The following CDH18 variants were observed in gnomAD, a reference collection of about 807,000 sequenced individuals.
CDH18 encodes the protein cadherin-18.
A neutral mutation model predicts 67.9 loss-of-function variants in CDH18; 31 were observed. That is an observed-to-expected ratio of 0.46 (90% CI 0.34 to 0.62). The LOEUF is 0.62. CDH18 is among the 20% of genes least tolerant of loss of function. The pLI, the probability that CDH18 is intolerant of heterozygous loss-of-function variation, is 0.01. For synonymous variants in CDH18, 362 were observed against 347.2 expected (o/e 1.04, Z -0.48); for missense variants, 890 against 975.5 (o/e 0.91, Z 1.17).
chr5:19,704,584 C>T (rs1763701929), intron 5 of CDH18, among the ~76,000 whole-genome samples: 2 of 152,052 alleles, frequency 1.3e-5, no homozygotes, highest in African/African-American at 4.8e-5. Context: ...GACAAAGTTC[C>T]CGCCAAAGTT....
chr5:19,764,624 C>CATATATATATAT (rs72234101), intron 3 of CDH18, among the ~76,000 whole-genome samples: 3 of 146,032 alleles, frequency 2.1e-5, no homozygotes, highest in African/African-American at 7.6e-5. Flanking sequence ...TCTATTTCTT[C>CATATATATATAT]ATATATATAT....
chr5:19,718,830 T>A (rs1765654549), intron 5 of CDH18, among the ~76,000 whole-genome samples: 1 of 151,936 alleles, frequency 6.6e-6, no homozygotes. Context: ...CAAAGAAAAT[T>A]TTGTAGAGTA....
At chr5:20,536,384 G>A (rs1352230568) in intron 1 of CDH18, among the ~76,000 whole-genome samples, 3 of 152,106 alleles carry the variant, frequency 2.0e-5, no homozygotes, top group Non-Finnish European at 4.4e-5. Flanking sequence ...CAATGCTCAG[G>A]ATGTCAAAGA....
At chr5:19,567,845 AG>A in intron 8 of CDH18, among the ~76,000 whole-genome samples, 2 of 152,132 alleles carry the variant, frequency 1.3e-5, no homozygotes, top group African/African-American at 4.8e-5. Flanking sequence ...AACAACCAGG[AG>A]AGTGCATGTT....
chr5:19,596,497 C>T (rs975953543), intron 6 of CDH18, among the ~76,000 whole-genome samples: 5 of 152,120 alleles, frequency 3.3e-5, no homozygotes, highest in Non-Finnish European at 7.4e-5. Context: ...CTTCAAAAAC[C>T]TGTCAAGTAG....
At chr5:19,886,910 A>G (rs945488256) in intron 2 of CDH18, among the ~76,000 whole-genome samples, 2 of 152,186 alleles carry the variant, frequency 1.3e-5, no homozygotes, top group African/African-American at 2.4e-5. Context: ...TATCCATTTC[A>G]TAAAACATAG....
intron 2 of CDH18, among the ~76,000 whole-genome samples, chr5:19,925,607 C>G (rs1437117469): frequency 6.6e-6 from 1 of 152,078 alleles, no homozygotes; most frequent in Non-Finnish European, 1.5e-5. Flanking sequence ...TCTGCCTCAG[C>G]CTCCCAAGTA....
chr5:20,469,603 T>C (rs1751908229), intron 1 of CDH18, among the ~76,000 whole-genome samples: 1 of 152,142 alleles, frequency 6.6e-6, no homozygotes, highest in Non-Finnish European at 1.5e-5. Flanking sequence ...TGCTCCCAAG[T>C]GGTAGAGGAT....
intron 3 of CDH18, among the ~76,000 whole-genome samples, chr5:19,756,483 G>T (rs1251743129): frequency 6.6e-6 from 1 of 152,158 alleles, no homozygotes; most frequent in Non-Finnish European, 1.5e-5. Context: ...CCTGAGAGGG[G>T]CTGTTGTAGT....
chr5:19,557,566 G>A (rs1738661763), intron 8 of CDH18, among the ~76,000 whole-genome samples: 1 of 151,826 alleles, frequency 6.6e-6, no homozygotes, highest in Non-Finnish European at 1.5e-5. Context: ...AAAAGAACTA[G>A]TCCAACAGAA....
chr5:19,793,357 A>G (rs1363663614), intron 3 of CDH18, among the ~76,000 whole-genome samples: 2 of 152,298 alleles, frequency 1.3e-5, no homozygotes, highest in East Asian at 3.9e-4. Context: ...GTTGTATGGA[A>G]CAATCTGTAA....
At chr5:19,840,226 G>A (rs1782135247) in intron 2 of CDH18, among the ~76,000 whole-genome samples, 1 of 141,126 alleles carries the variant, frequency 7.1e-6, no homozygotes, top group Non-Finnish European at 1.5e-5. Context: ...CTAGATCTGA[G>A]ATCGCACCAC....
At chr5:19,976,386 C>T (rs769409747) in intron 2 of CDH18, among the ~76,000 whole-genome samples, 2 of 152,018 alleles carry the variant, frequency 1.3e-5, no homozygotes, top group Non-Finnish European at 2.9e-5. Context: ...CACACAAACA[C>T]GCACATACAC....
chr5:19,947,366 T>C (rs1423922291), intron 2 of CDH18, among the ~76,000 whole-genome samples: 2 of 151,832 alleles, frequency 1.3e-5, no homozygotes, highest in Admixed American at 6.6e-5. Flanking sequence ...CACACTTTTA[T>C]AGGAAAAAAG....
chr5:20,009,488 C>T (rs1354411211), intron 2 of CDH18, among the ~76,000 whole-genome samples: 1 of 152,176 alleles, frequency 6.6e-6, no homozygotes, highest in Middle Eastern at 3.4e-3. Flanking sequence ...TATTAACTAT[C>T]AGAGTATAAT....
chr5:20,269,967 C>T (rs921719096), intron 1 of CDH18, among the ~76,000 whole-genome samples: 3 of 151,984 alleles, frequency 2.0e-5, no homozygotes, highest in African/African-American at 7.2e-5. Context: ...AATTACATGT[C>T]ACCTATGAAG....
At chr5:19,578,139 G>A (rs910907995) in intron 7 of CDH18, among the ~76,000 whole-genome samples, 2 of 152,172 alleles carry the variant, frequency 1.3e-5, no homozygotes, top group Non-Finnish European at 2.9e-5. Context: ...ACAGCACACT[G>A]GTTTCTCGAG....
chr5:19,831,044 G>T (rs933729860), intron 3 of CDH18, among the ~76,000 whole-genome samples: 4 of 152,100 alleles, frequency 2.6e-5, no homozygotes, highest in African/African-American at 9.7e-5. Flanking sequence ...TGAGAGTGAA[G>T]GGTGAAAGGA....
At chr5:19,854,321 A>G (rs1021598193) in intron 2 of CDH18, among the ~76,000 whole-genome samples, 1 of 152,144 alleles carries the variant, frequency 6.6e-6, no homozygotes, top group African/African-American at 2.4e-5. Context: ...GTTATATACA[A>G]CAGGCCAATC....
Sources: gnomAD v4.1 joint callset for allele counts (sites outside exome capture counted in the v4.1 genomes callset) on GRCh38, gnomAD v4.1.1 for gene constraint, MANE v1.5 for transcripts, NCBI Gene and HGNC (gene_info 2026-07-23, HGNC 2026-07-21) for gene names.